The following FAM53B variants were observed in gnomAD, a reference collection of about 807,000 sequenced individuals.
FAM53B encodes protein FAM53B.
FAM53B carries 12 observed loss-of-function variants against 32.7 expected under a neutral mutation model. The observed-to-expected ratio is 0.37, with a 90% CI of 0.24 to 0.59. The LOEUF is 0.59. Among genes scored for constraint, FAM53B ranks in the 20% least tolerant of loss-of-function variants. The pLI is 0.72. For missense variants in FAM53B, 477 were observed against 577.7 expected (o/e 0.83, Z 1.79); for synonymous variants, 234 against 228.7 (o/e 1.02, Z -0.21).
intron 4 of FAM53B, among the ~76,000 whole-genome samples, chr10:124,675,511 CCAACCG>C (rs960825341): frequency 6.6e-6 from 1 of 152,228 alleles, no homozygotes; most frequent in African/African-American, 2.4e-5. Flanking sequence ...TTGCTGAGTG[CCAACCG>C]TGTGCCAGAT....
rs1463546049 is a variant in FAM53B, at chr10:124,619,478, A to G, written c.*3764T>C. On this transcript the variant is annotated 3_prime_UTR_variant, in exon 5 of 5. Transcript: ENST00000337318. ...CTTCCTGAAGCACGGCAACACCCAC[A>G]ACATCCAGCTCAGGGAAGCCCCTGC... 2 of 152,338 alleles carry G rather than the reference A, an allele frequency of 1.3e-5. No individual in the cohort carries two copies. Among genetic ancestry groups the G allele is most frequent in the African/African-American group, 4.8e-5 (2 of 41,384 alleles). The allele number at this position is 152,338 out of a possible 1,614,324, so 9.4% of individuals were successfully genotyped here. A position where few individuals can be genotyped will look rare whatever the true frequency, so the allele number is the denominator to read the frequency against.
chr10:124,661,856 A>G (rs1452582629), intron 4 of FAM53B, among the ~76,000 whole-genome samples: 2 of 152,242 alleles, frequency 1.3e-5, no homozygotes, highest in African/African-American at 4.8e-5. Context: ...ACTGTCTTAC[A>G]TGGCTCTGAC....
At chr10:124,626,404 C>G (rs1379583907) in intron 4 of FAM53B, among the ~76,000 whole-genome samples, 1 of 132,050 alleles carries the variant, frequency 7.6e-6, no homozygotes, top group Non-Finnish European at 1.7e-5. Context: ...CCCCCCCCCA[C>G]CATTCCTCAG....
At chr10:124,662,586 C>A (rs535601886) in intron 4 of FAM53B, among the ~76,000 whole-genome samples, 1 of 151,566 alleles carries the variant, frequency 6.6e-6, no homozygotes, top group African/African-American at 2.4e-5. Flanking sequence ...GAGGCTCAGG[C>A]AGGAGGATGG....
At chr10:124,689,649 C>A (rs574233956) in intron 3 of FAM53B, among the ~76,000 whole-genome samples, 215 of 152,344 alleles carry the variant, frequency 1.4e-3, no homozygotes, top group African/African-American at 4.5e-3. Flanking sequence ...TGGGAGGTGA[C>A]AAAGAAGCTA....
At chr10:124,696,526 T>G (rs1169496871) in intron 2 of FAM53B, among the ~76,000 whole-genome samples, 1 of 151,828 alleles carries the variant, frequency 6.6e-6, no homozygotes, top group Non-Finnish European at 1.5e-5. Context: ...GGGGGCAGGA[T>G]GGATGGTAAA....
chr10:124,623,819 A>G, intron 4 of FAM53B: 1 of 536,780 alleles, frequency 1.9e-6, no homozygotes. Flanking sequence ...GACACGCGCA[A>G]TTCCACTATT....
At chr10:124,626,695 A>T (rs974321429) in intron 4 of FAM53B, among the ~76,000 whole-genome samples, 2 of 151,526 alleles carry the variant, frequency 1.3e-5, no homozygotes, top group Non-Finnish European at 2.9e-5. Context: ...AAAGTAAGAC[A>T]CTTTATGCAT....
intron 4 of FAM53B, among the ~76,000 whole-genome samples, chr10:124,646,080 C>T (rs1949511163): frequency 6.6e-6 from 1 of 152,172 alleles, no homozygotes; most frequent in African/African-American, 2.4e-5. Flanking sequence ...CAGTGGTTCT[C>T]GACCACAGCA....
At chr10:124,743,517 G>T (rs1247419259) in intron 1 of FAM53B, among the ~76,000 whole-genome samples, 1 of 152,186 alleles carries the variant, frequency 6.6e-6, no homozygotes, top group African/African-American at 2.4e-5. Context: ...CCGCACCCCG[G>T]GGGTGGCGGG....
At chr10:124,737,398 G>A (rs79293007) in intron 1 of FAM53B, among the ~76,000 whole-genome samples, 95 of 152,254 alleles carry the variant, frequency 6.2e-4, no homozygotes, top group African/African-American at 2.2e-3. Flanking sequence ...GGGTGGGGAC[G>A]GGGGATGGGT....
intron 4 of FAM53B, among the ~76,000 whole-genome samples, chr10:124,673,842 G>A (rs892733214): frequency 8.5e-5 from 13 of 152,338 alleles, no homozygotes; most frequent in East Asian, 1.9e-4. Context: ...CTTGGACAAC[G>A]TCTAGGAACC....
At chr10:124,657,175 T>TAC (rs1214388958) in intron 4 of FAM53B, among the ~76,000 whole-genome samples, 1 of 20,830 alleles carries the variant, frequency 4.8e-5, no homozygotes, top group Non-Finnish European at 2.6e-4. Context: ...TATATATATG[T>TAC]ACATATATAT....
At chr10:124,691,030 G>A (rs909001529) in intron 3 of FAM53B, among the ~76,000 whole-genome samples, 1 of 152,130 alleles carries the variant, frequency 6.6e-6, no homozygotes, top group African/African-American at 2.4e-5. Context: ...TTTGTTCTAA[G>A]AATCAAAAGC....
intron 4 of FAM53B, among the ~76,000 whole-genome samples, chr10:124,633,096 A>G (rs1245086048): frequency 6.6e-6 from 1 of 152,186 alleles, no homozygotes; most frequent in African/African-American, 2.4e-5. Context: ...CTGTGGACAC[A>G]GCAAGGCCAC....
chr10:124,667,648 A>G lies in FAM53B; in HGVS notation c.906+13959T>C, dbSNP rs1246349957. ...ACCTGACTCTCCCCATTCTCGCACT[A>G]CAGCCTCCCAGCCCCGCCCGGGGTC... On this transcript the variant is annotated intron_variant, in intron 4 of 4. Coordinates refer to ENST00000337318, the MANE Select transcript of FAM53B (RefSeq NM_014661.4). Among the ~76,000 whole-genome samples the G allele has an allele frequency of 3.9e-5, 6 of 152,324 alleles. 1 individual carries two copies. In the Middle Eastern group the frequency reaches 0.017, roughly 432 times the overall value.
At chr10:124,737,796 GGA>G (rs2134105728) in intron 1 of FAM53B, among the ~76,000 whole-genome samples, 1 of 152,114 alleles carries the variant, frequency 6.6e-6, no homozygotes, top group East Asian at 1.9e-4. Context: ...CCACTCACTG[GGA>G]GTTGCCAGGA....
At chr10:124,674,121 C>T (rs368720269) in intron 4 of FAM53B, among the ~76,000 whole-genome samples, 19 of 152,312 alleles carry the variant, frequency 1.2e-4, no homozygotes, top group African/African-American at 4.3e-4. Context: ...TTACAGAGCC[C>T]GGGACTCATA....
At chr10:124,708,364 C>T (rs940626553) in intron 1 of FAM53B, among the ~76,000 whole-genome samples, 6 of 152,148 alleles carry the variant, frequency 3.9e-5, no homozygotes, top group African/African-American at 1.2e-4. Context: ...TACTGTTCTT[C>T]GAAAACAAGG....
Sources: allele counts gnomAD v4.1 joint callset (sites outside exome capture counted in the v4.1 genomes callset), GRCh38; gene constraint gnomAD v4.1.1; transcripts MANE v1.5; gene names NCBI Gene and HGNC (gene_info 2026-07-23, HGNC 2026-07-21).